Variants in PRKAR1B observed in about 807,000 individuals in gnomAD.
PRKAR1B encodes protein kinase cAMP-dependent type I regulatory subunit beta, also known as cAMP-dependent protein kinase type I-beta regulatory subunit.
PRKAR1B carries 22 observed loss-of-function variants against 46.5 expected under a neutral mutation model. That is an observed-to-expected ratio of 0.47 (90% CI 0.34 to 0.68). The LOEUF (loss-of-function observed/expected upper bound fraction) is 0.68. Ranked by LOEUF, PRKAR1B falls within the 30% of genes least tolerant of loss-of-function variation. The pLI, the probability that PRKAR1B is intolerant of heterozygous loss-of-function variation, is 0.01. For synonymous variants in PRKAR1B, 259 were observed against 217.7 expected (o/e 1.19, Z -1.67); for missense variants, 445 against 535.6 (o/e 0.83, Z 1.67).
At chr7:719,865 C>T (rs1781011710) in intron 1 of PRKAR1B, among the ~76,000 whole-genome samples, 2 of 152,084 alleles carry the variant, frequency 1.3e-5, no homozygotes, top group Admixed American at 6.6e-5. Context: ...CAAACAAAAC[C>T]ACAAAATATC....
intron 4 of PRKAR1B, among the ~76,000 whole-genome samples, chr7:625,949 A>T (rs1187919890): frequency 2.0e-5 from 3 of 149,642 alleles, no homozygotes; most frequent in Non-Finnish European, 4.4e-5. Flanking sequence ...CAGAGGTTGC[A>T]GTGAGCCGAG....
intron 9 of PRKAR1B, among the ~76,000 whole-genome samples, chr7:557,546 G>T: frequency 6.6e-6 from 1 of 152,216 alleles, no homozygotes; most frequent in Non-Finnish European, 1.5e-5. Flanking sequence ...GAAAGACAGG[G>T]AACAGCAGAG....
In PRKAR1B at chr7:602,998, A is replaced by G. The variant is rs1446509693; in HGVS notation, c.549+3195T>C. ...GGCGGGAACATAACCTGGGAGCCCCATGTCGGTTTCAGGCTCCACAAGGGA... is the reference window on the plus strand; with the variant it reads ...GGCGGGAACATAACCTGGGAGCCCCGTGTCGGTTTCAGGCTCCACAAGGGA... On this transcript the variant is annotated intron_variant, in intron 6 of 10. Transcript: ENST00000537384. This position sits in a 1 kb window ranked among gnomAD's most constrained non-coding sequence, Gnocchi z 6.4. Among the ~76,000 whole-genome samples, 1 of 152,126 alleles carries G rather than the reference A, an allele frequency of 6.6e-6. No individual in the cohort carries two copies. The highest frequency in any genetic ancestry group is 1.5e-5 in the Non-Finnish European group (1 of 68,028).
intron 4 of PRKAR1B, among the ~76,000 whole-genome samples, chr7:614,689 A>T (rs1298539201): frequency 6.6e-6 from 1 of 152,214 alleles, no homozygotes; most frequent in Admixed American, 6.5e-5. Context: ...AAGCAGGCAG[A>T]TCACCTGAGG....
At chr7:607,268 C>A (rs910373832) in intron 5 of PRKAR1B, 123 bp downstream of exon 5, 40 of 879,986 alleles carry the variant, frequency 4.5e-5, no homozygotes, top group Non-Finnish European at 5.7e-5. Context: ...CCCACCTCAG[C>A]CTCCCAAAGT....
chr7:623,858 T>C (rs546356725), intron 4 of PRKAR1B, among the ~76,000 whole-genome samples: 23 of 152,316 alleles, frequency 1.5e-4, no homozygotes, highest in African/African-American at 5.3e-4. Flanking sequence ...GTTCAGGGTA[T>C]GGAATGAACC....
Position 722,180 on chromosome 7 carries a change from A to G in PRKAR1B, c.-23+5030T>C, listed in dbSNP as rs1253795653. On this transcript the variant is annotated intron_variant, in intron 1 of 10. Transcript: ENST00000537384. ...CGGTGGCATGATATTGGCTCACTAC[A>G]ACCTCCACCTCCTGGGTTCAGGCAA... Among the ~76,000 whole-genome samples the G allele has an allele frequency of 1.4e-4, 20 of 145,278 alleles. No individual in the cohort carries two copies. In the East Asian group the frequency reaches 3.8e-3, roughly 28 times the overall value.
intron 4 of PRKAR1B, among the ~76,000 whole-genome samples, chr7:673,078 A>AAAC (rs66654583): frequency 4.6e-5 from 6 of 131,810 alleles, no homozygotes; most frequent in Non-Finnish European, 7.8e-5. Flanking sequence ...AAAAAAAAAA[A>AAAC]CACACACACA....
chr7:594,386 C>A lies in PRKAR1B; in HGVS notation c.708+1760G>T, dbSNP rs562856092. 2.7e-3 allele frequency among the ~76,000 whole-genome samples: 408 copies of A among 152,250 alleles called. 3 individuals carry two copies. Among genetic ancestry groups the A allele is most frequent in the African/African-American group, 9.4e-3 (389 of 41,528 alleles). ...GGCTGGACCCCGGGACCCCAGGCCCCGAAGGAGAGGGCTCGGAGCAGACGC... is the reference window on the plus strand; with the variant it reads ...GGCTGGACCCCGGGACCCCAGGCCCAGAAGGAGAGGGCTCGGAGCAGACGC... On this transcript the variant is annotated intron_variant, in intron 7 of 10. Coordinates refer to ENST00000537384, the MANE Select transcript of PRKAR1B (RefSeq NM_001164760.2).
At chr7:726,668 C>G (rs1404329492) in intron 1 of PRKAR1B, 8 of 1,194,166 alleles carry the variant, frequency 6.7e-6, no homozygotes, top group Non-Finnish European at 8.4e-6. Flanking sequence ...CCGTAATCTG[C>G]GCTGAGAGTC....
intron 1 of PRKAR1B, chr7:712,489 A>AGCGG (rs1170071688): frequency 6.8e-6 from 1 of 146,264 alleles, no homozygotes; most frequent in Non-Finnish European, 1.5e-5. Context: ...CGAGCGAGCG[A>AGCGG]GCGGGTCCCC....
At chr7:696,266 A>G (rs879343563) in intron 2 of PRKAR1B, among the ~76,000 whole-genome samples, 16 of 150,400 alleles carry the variant, frequency 1.1e-4, no homozygotes, top group South Asian at 2.1e-4. Context: ...CCCGGCCCCA[A>G]TGGAACTTTT....
At chr7:656,920 G>GATGAATGAATGA (rs138636630) in intron 4 of PRKAR1B, among the ~76,000 whole-genome samples, 3 of 150,232 alleles carry the variant, frequency 2.0e-5, no homozygotes, top group African/African-American at 4.9e-5. Context: ...CGGACGGATG[G>GATGAATGAATGA]ATGAATGAAT....
chr7:640,033 T>TGC (rs1784306911), intron 4 of PRKAR1B, among the ~76,000 whole-genome samples: 1 of 149,876 alleles, frequency 6.7e-6, no homozygotes, highest in Non-Finnish European at 1.5e-5. Context: ...CGTGGTGGCA[T>TGC]GCGCCTGTAG....
chr7:709,020 T>C (rs1780474974), intron 2 of PRKAR1B, among the ~76,000 whole-genome samples: 1 of 146,606 alleles, frequency 6.8e-6, no homozygotes, highest in African/African-American at 2.5e-5. Context: ...CTCAAACTCC[T>C]GACCTCATGA....
At position 551,470 on chromosome 7, in the gene PRKAR1B, C is replaced by T. The variant is rs1049931201; in HGVS notation, c.892G>A (p.Gly298Ser). 6.4e-7 allele frequency: 1 copy of T among 1,553,400 alleles called. No individual in the cohort carries two copies. The change falls in exon 10 of 11, where the codon GGC becomes AGC. Residue 298 changes from glycine (G) to serine (S), a missense_variant and splice_region_variant. This residue lies in a region of PRKAR1B where 127 missense variants were observed against 138.0 expected (regional missense o/e 0.92). Transcript: ENST00000537384. ...PGDDFYIITEGTASVLQRRSP... is the reference protein window; with the variant it reads ...PGDDFYIITESTASVLQRRSP... ...CGGCGCTGCAGCACGGACGCGGTGC[C>T]CTGTGGGTGGAGGTGGACAGACGTG...
At chr7:705,985 C>T (rs973222429) in intron 2 of PRKAR1B, among the ~76,000 whole-genome samples, 1 of 151,628 alleles carries the variant, frequency 6.6e-6, no homozygotes, top group Non-Finnish European at 1.5e-5. Flanking sequence ...GAGACTGTGC[C>T]ACTGCTCTCC....
intron 4 of PRKAR1B, among the ~76,000 whole-genome samples, chr7:664,495 G>A (rs1312204085): frequency 1.3e-5 from 2 of 152,226 alleles, no homozygotes; most frequent in Admixed American, 1.3e-4. Flanking sequence ...GAGGCCACGT[G>A]CAGCATCTCA....
At chr7:694,599 G>GTCCCCT (rs200853830) in intron 2 of PRKAR1B, among the ~76,000 whole-genome samples, 5,055 of 152,084 alleles carry the variant, frequency 0.033, 313 homozygotes, top group African/African-American at 0.11. Flanking sequence ...GAAGTTTTGG[G>GTCCCCT]TCCCCTTCCC....
Sources: gnomAD v4.1 joint callset for allele counts (sites outside exome capture counted in the v4.1 genomes callset) on GRCh38, gnomAD v4.1.1 for gene constraint, gnomAD v4.1.1 regional missense constraint, Gnocchi (gnomAD v3.1) non-coding constraint, MANE v1.5 for transcripts, NCBI Gene and HGNC (gene_info 2026-07-23, HGNC 2026-07-21) for gene names.